The following PTPRN2 variants were observed in gnomAD, a reference collection of about 807,000 sequenced individuals.
The protein encoded by PTPRN2 is receptor-type tyrosine-protein phosphatase N2.
Under a neutral mutation model 118.8 loss-of-function variants are expected in PTPRN2, and 74 were observed. The observed-to-expected ratio is 0.62, with a 90% CI of 0.52 to 0.76. The LOEUF (loss-of-function observed/expected upper bound fraction) is 0.76, where lower values mean the gene tolerates loss of function less well. Among genes scored for constraint, PTPRN2 ranks in the 30% least tolerant of loss-of-function variants. The pLI is 0.00. For synonymous variants in PTPRN2, 641 were observed against 608.0 expected (o/e 1.05, Z -0.80); for missense variants, 1,481 against 1,394.4 (o/e 1.06, Z -0.99).
intron 12 of PTPRN2, among the ~76,000 whole-genome samples, chr7:157,761,396 A>G (rs1341033056): frequency 1.3e-5 from 2 of 150,410 alleles, no homozygotes; most frequent in Non-Finnish European, 3.0e-5. Context: ...TGGTACCAAA[A>G]CAGAGATATA....
chr7:158,479,145 T>C (rs1272657860), intron 2 of PTPRN2, among the ~76,000 whole-genome samples: 3 of 151,990 alleles, frequency 2.0e-5, no homozygotes, highest in African/African-American at 7.3e-5. Context: ...AGCTGCGGCC[T>C]AGAACAAGTC....
Position 158,273,554 on chromosome 7 carries a change from AGG to A in PTPRN2, c.277+43263_277+43264del, listed in dbSNP as rs1362064427. Among the ~76,000 whole-genome samples, 7 of 106,334 alleles carry A rather than the reference AGG, an allele frequency of 6.6e-5. No homozygotes were observed. In the South Asian group the frequency reaches 9.5e-4, roughly 14 times the overall value. 69.8% of individuals were successfully genotyped at this position (106,334 alleles called of 152,430 possible). A position where few individuals can be genotyped will look rare whatever the true frequency, so the allele number is the denominator to read the frequency against. On this transcript the variant is annotated intron_variant, in intron 3 of 22. Transcript: ENST00000389418. ...CGCAGACACGGGGAGCCGCAGACAC[AGG>A]GGGAGCCGCAGGCACAGGGGGAGCC...
chr7:157,817,427 G>T (rs1307780204), intron 12 of PTPRN2, among the ~76,000 whole-genome samples: 1 of 152,156 alleles, frequency 6.6e-6, no homozygotes, highest in African/African-American at 2.4e-5. Flanking sequence ...TGTGGGGAAA[G>T]GAGAGGTCAC....
chr7:158,513,967 T>C (rs912165132), intron 1 of PTPRN2, among the ~76,000 whole-genome samples: 1 of 152,164 alleles, frequency 6.6e-6, no homozygotes, highest in Non-Finnish European at 1.5e-5. Flanking sequence ...TTTCAAAGGG[T>C]GTGATTTTGA....
intron 2 of PTPRN2, among the ~76,000 whole-genome samples, chr7:158,482,971 C>A (rs976926323): frequency 5.3e-5 from 8 of 152,344 alleles, no homozygotes; most frequent in Admixed American, 2.6e-4. Flanking sequence ...TCCAGAGGGG[C>A]CTCCCTATGC....
intron 11 of PTPRN2, among the ~76,000 whole-genome samples, chr7:158,064,233 C>A (rs769057936): frequency 1.3e-5 from 2 of 152,188 alleles, no homozygotes; most frequent in Admixed American, 1.3e-4. Flanking sequence ...GGGGTTTAAC[C>A]GCATTGACTC....
chr7:157,766,097 T>C (rs937249075), intron 12 of PTPRN2, among the ~76,000 whole-genome samples: 11 of 137,382 alleles, frequency 8.0e-5, no homozygotes, highest in African/African-American at 1.1e-4. Flanking sequence ...CATCATCCAT[T>C]CTTCTTCCAT....
intron 2 of PTPRN2, among the ~76,000 whole-genome samples, chr7:158,447,008 C>T (rs540261015): frequency 1.4e-4 from 21 of 152,340 alleles, no homozygotes; most frequent in South Asian, 6.2e-4. Context: ...CGGTGACATA[C>T]GTGCCCAGTA....
In PTPRN2 at chr7:157,629,021, C is replaced by A. The variant is rs555109310; in HGVS notation, c.2197-7512G>T. Among the ~76,000 whole-genome samples the A allele has an allele frequency of 6.6e-6, 1 of 152,246 alleles. No individual in the cohort carries two copies. The highest frequency in any genetic ancestry group is 6.5e-5 in the Admixed American group (1 of 15,290). ...AATTTCTCCGGTGGGAAGAGCACACCAGCATCCCGTGTGCATCTGATGCAG... is the reference window on the plus strand; with the variant it reads ...AATTTCTCCGGTGGGAAGAGCACACAAGCATCCCGTGTGCATCTGATGCAG... On this transcript the variant is annotated intron_variant, in intron 14 of 22. Transcript: ENST00000389418. The surrounding 1 kb of genome is among the most constrained non-coding windows in gnomAD (Gnocchi z 4.4).
At chr7:157,783,324 A>G (rs1803799148) in intron 12 of PTPRN2, among the ~76,000 whole-genome samples, 1 of 151,580 alleles carries the variant, frequency 6.6e-6, no homozygotes, top group South Asian at 2.1e-4. Flanking sequence ...TCCCATCTGA[A>G]TATGTAATGC....
chr7:158,290,049 T>C (rs7801669), intron 3 of PTPRN2, among the ~76,000 whole-genome samples: 2,095 of 152,266 alleles, frequency 0.014, 46 homozygotes, highest in African/African-American at 0.048. Flanking sequence ...GTAGGCCATA[T>C]ACCTGAGTCT....
rs147057713 is a variant in PTPRN2 at position 158,110,834 on chromosome 7, G to A, written c.1638C>T (p.Asp546=). 405 of 1,585,070 alleles carry A rather than the reference G, an allele frequency of 2.6e-4. 1 individual carries two copies. The African/African-American group carries it at 2.6e-3, about 10-fold the overall frequency. ...LLQVPSSAFA[D]VEVLGPAVTF... is the part of the protein sequence containing the mutation. ...CCCCAGGGCCCCGTACTTACTCCAC[G>A]TCAGCGAACGCACTGCTGGGCACCT... is the stretch of plus-strand genomic sequence containing the variant. Residue 546 remains aspartate (D), a synonymous_variant, in exon 10 of 23, where the codon GAC becomes GAT. Coordinates refer to ENST00000389418, the MANE Select transcript of PTPRN2 (RefSeq NM_002847.5).
intron 2 of PTPRN2, among the ~76,000 whole-genome samples, chr7:158,336,246 CACG>C (rs1805494658): frequency 1.3e-5 from 1 of 75,246 alleles, no homozygotes; most frequent in Non-Finnish European, 2.6e-5. Context: ...CACACCCACA[CACG>C]TCACTCGCAC....
At position 158,449,907 on chromosome 7, in the gene PTPRN2, G is replaced by C. The variant is rs545986678; in HGVS notation, c.163+39828C>G. On this transcript the variant is annotated intron_variant, in intron 2 of 22. Coordinates refer to ENST00000389418, the MANE Select transcript of PTPRN2 (RefSeq NM_002847.5). ...AGCTACAACACAAAACGTTGCTGTA[G>C]TACAGACGAATCCAAGGTGGCCACA... Among the ~76,000 whole-genome samples, 11 of 152,356 alleles carry C rather than the reference G, an allele frequency of 7.2e-5. No homozygotes were observed. In the East Asian group the frequency reaches 1.9e-3, roughly 27 times the overall value.
intron 2 of PTPRN2, among the ~76,000 whole-genome samples, chr7:158,355,999 C>T (rs1808359435): frequency 2.0e-5 from 3 of 152,130 alleles, no homozygotes; most frequent in Admixed American, 2.0e-4. Flanking sequence ...AGTGATTGAG[C>T]CCTCAATCAA....
chr7:158,299,700 A>G (rs1312411717), intron 3 of PTPRN2, among the ~76,000 whole-genome samples: 1 of 152,140 alleles, frequency 6.6e-6, no homozygotes, highest in Admixed American at 6.5e-5. Flanking sequence ...TTCAGCAGAC[A>G]TGGATTCCTC....
chr7:158,071,398 T>TTGTGGTGATGGAGGTG (rs1563391048), intron 11 of PTPRN2, among the ~76,000 whole-genome samples: 22 of 90,816 alleles, frequency 2.4e-4, no homozygotes, highest in South Asian at 4.2e-4. Flanking sequence ...GTGGAGGTGC[T>TTGTGGTGATGGAGGTG]CGTGGTGGAG....
At chr7:158,241,652 C>G (rs1242737309) in intron 3 of PTPRN2, among the ~76,000 whole-genome samples, 1 of 152,186 alleles carries the variant, frequency 6.6e-6, no homozygotes, top group East Asian at 1.9e-4. Flanking sequence ...AGTGTTCACG[C>G]CCTGTTTTGG....
intron 11 of PTPRN2, among the ~76,000 whole-genome samples, chr7:158,062,107 A>G (rs1190789733): frequency 6.6e-6 from 1 of 152,254 alleles, no homozygotes; most frequent in African/African-American, 2.4e-5. Flanking sequence ...GCCTCAGTAA[A>G]GCGACGGGCG....
Sources: gnomAD v4.1 joint callset for allele counts (sites outside exome capture counted in the v4.1 genomes callset) on GRCh38, gnomAD v4.1.1 for gene constraint, Gnocchi (gnomAD v3.1) non-coding constraint, MANE v1.5 for transcripts, NCBI Gene and HGNC (gene_info 2026-07-23, HGNC 2026-07-21) for gene names.